Variants in ABHD1 observed in about 807,000 individuals in gnomAD.
ABHD1 encodes the protein protein ABHD1.
Under a neutral mutation model 41.4 loss-of-function variants are expected in ABHD1, and 47 were observed. The ratio of observed to expected loss-of-function variants is 1.13; its 90% CI spans 0.90 to 1.45. The LOEUF is 1.45. ABHD1 is among the 40% of genes most tolerant of loss of function. The pLI is 0.00. For missense variants in ABHD1, 550 were observed against 503.4 expected (o/e 1.09, Z -0.89); for synonymous variants, 205 against 203.7 (o/e 1.01, Z -0.05).
At chr2:27,125,358 A>C (rs1558472125) in intron 1 of ABHD1, 1 of 152,186 alleles carries the variant, frequency 6.6e-6, no homozygotes, top group Non-Finnish European at 1.5e-5. Flanking sequence ...ACTGGTTAAA[A>C]TGCAGGAAAA....
chr2:27,128,507 G>A lies in ABHD1; in HGVS notation c.181G>A (p.Glu61Lys), dbSNP rs372589861. Residue 61 changes from glutamate to lysine, a missense_variant, in exon 2 of 9, where the codon GAG (glutamate) becomes AAG (lysine). Transcript: ENST00000316470. ...FLEPHCSITT[E>K]TFYPTLWCFE... ...GGAGCCACACTGTTCCATCACCACC[G>A]AGACTTTCTACCCAACGCTGTGGTG... is the stretch of plus-strand genomic sequence containing the variant. The A allele has an allele frequency of 2.7e-5, 43 of 1,614,090 alleles. No homozygotes were observed. The highest frequency in any genetic ancestry group is 3.3e-4 in the Middle Eastern group (2 of 6,060).
At chr2:27,124,084 T>TGGCCG in intron 1 of ABHD1, 22 bp downstream of exon 1, 1 of 1,606,372 alleles carries the variant, frequency 6.2e-7, no homozygotes, top group South Asian at 1.1e-5. Context: ...TCCACCGCTC[T>TGGCCG]GGCCAGCGGG....
At position 27,130,285 on chromosome 2, in the gene ABHD1, C is replaced by T. The variant is rs755621488; in HGVS notation, c.875C>T (p.Thr292Ile). ...ATCCGCCAGTTTGATGAGCGCTACA[C>T]ATCTGTGGCCTTTGGATATCAAGAC... ...RTIRQFDERY[T>I]SVAFGYQDCV... The change falls in exon 8 of 9, where the codon ACA becomes ATA. Residue 292 changes from threonine to isoleucine, a missense_variant. Transcript: ENST00000316470. The T allele has an allele frequency of 6.2e-6, 10 of 1,614,072 alleles. No individual in the cohort carries two copies. Among genetic ancestry groups the T allele is most frequent in the Admixed American group, 5.0e-5 (3 of 59,998 alleles).
chr2:27,129,391 T>C (rs1228729766), intron 4 of ABHD1, 30 bp downstream of exon 4: 17 of 1,613,746 alleles, frequency 1.1e-5, no homozygotes, highest in South Asian at 3.3e-5. Context: ...ATAGCAGCCC[T>C]TCACCCACTC....
At position 27,129,875 on chromosome 2, in the gene ABHD1, T is replaced by C. The variant is rs1174757729; in HGVS notation, c.739T>C (p.Ser247Pro). The C allele has an allele frequency of 4.3e-6, 7 of 1,613,916 alleles. No individual in the cohort carries two copies. The East Asian group carries it at 6.7e-5, about 15-fold the overall frequency. Residue 247 changes from serine (S) to proline (P), a missense_variant, in exon 6 of 9, where the codon TCA becomes CCA. By Grantham distance (74) the Ser-to-Pro change is moderately conservative (BLOSUM62 -1). Coordinates refer to ENST00000316470, the MANE Select transcript of ABHD1 (RefSeq NM_032604.4). Reference protein sequence around the residue: ...TTRSLETPLNSLLFNQPLTAG... With the variant: ...TTRSLETPLNPLLFNQPLTAG... ...TCGCTCCCTGGAAACCCCACTCAAC[T>C]CACTGCTCTTCAATCAGCCCCTCAC... is the stretch of plus-strand genomic sequence containing the variant.
At position 27,130,242 on chromosome 2, in the gene ABHD1, G is replaced by A. The variant is rs749043951; in HGVS notation, c.841-9G>A. ...ATCATCTTAGCCTATCCTATGGTAA[G>A]ACCTGCAGGCCCGTACAATCCGCCA... On this transcript the variant is annotated splice_polypyrimidine_tract_variant and intron_variant, in intron 7 of 8. Coordinates refer to ENST00000316470, the MANE Select transcript of ABHD1 (RefSeq NM_032604.4). The A allele has an allele frequency of 7.4e-6, 12 of 1,614,068 alleles. No individual in the cohort carries two copies. The highest frequency in any genetic ancestry group is 9.3e-6 in the Non-Finnish European group (11 of 1,180,034).
chr2:27,128,757 C>T (rs909444081), intron 2 of ABHD1, among the ~76,000 whole-genome samples, 156 bp downstream of exon 2: 10 of 152,186 alleles, frequency 6.6e-5, no homozygotes, highest in African/African-American at 2.2e-4. Flanking sequence ...TATAATTGCA[C>T]GGCCACCAGG....
intron 1 of ABHD1, among the ~76,000 whole-genome samples, chr2:27,127,655 G>A (rs372343447): frequency 6.7e-6 from 1 of 150,072 alleles, no homozygotes; most frequent in Non-Finnish European, 1.5e-5. Flanking sequence ...TCTGCCTCCC[G>A]GGTTCAAGTG....
chr2:27,126,294 A>G (rs1487991398), intron 1 of ABHD1: 1 of 152,270 alleles, frequency 6.6e-6, no homozygotes, highest in Non-Finnish European at 1.5e-5. Flanking sequence ...TCTGTCAGTC[A>G]TAACTTCTTC....
At position 27,124,299 on chromosome 2, in the gene ABHD1, A is replaced by G. The variant is rs921642669; in HGVS notation, c.114+237A>G. Reference sequence around the variant, plus strand: ...GCTGCTCCCTATAATGTGGACAAGCATTTGGGGAAAGGTGGGGTGGAAGGC... The same window carrying G: ...GCTGCTCCCTATAATGTGGACAAGCGTTTGGGGAAAGGTGGGGTGGAAGGC... On this transcript the variant is annotated intron_variant, in intron 1 of 8. Transcript: ENST00000316470. 8.1e-6 allele frequency: 5 copies of G among 619,680 alleles called. No individual in the cohort carries two copies. In the African/African-American group the frequency reaches 9.1e-5, roughly 11 times the overall value. The allele number at this position is 619,680 out of a possible 1,614,324, so 38.4% of individuals were successfully genotyped here. A position where few individuals can be genotyped will look rare whatever the true frequency, so the allele number is the denominator to read the frequency against.
In ABHD1 at chr2:27,129,135, T is replaced by C. The variant is rs1392661042; in HGVS notation, c.458+8T>C. 1.2e-6 allele frequency: 2 copies of C among 1,611,722 alleles called. No individual in the cohort carries two copies. Among genetic ancestry groups the C allele is most frequent in the Non-Finnish European group, 8.5e-7 (1 of 1,179,002 alleles). On this transcript the variant is annotated splice_region_variant and intron_variant, in intron 3 of 8. Transcript: ENST00000316470. ...TCTGAGGGATGGCTACCAGTAAGGA[T>C]GGGTGCAGCCCCAGAGTGGGGTGGC... is the stretch of plus-strand genomic sequence containing the variant.
At chr2:27,129,269 GA>G (rs1672112267) in intron 3 of ABHD1, 46 bp from the exon 4 acceptor site, 2 of 1,612,010 alleles carry the variant, frequency 1.2e-6, no homozygotes, top group Non-Finnish European at 1.7e-6. Context: ...TGAAAGGGGA[GA>G]GGGGCTAAGA....
chr2:27,130,585 A>G lies in ABHD1; in HGVS notation c.1059A>G (p.Thr353=). 1.2e-6 allele frequency: 2 copies of G among 1,614,210 alleles called. No homozygotes were observed. Among genetic ancestry groups the G allele is most frequent in the Non-Finnish European group, 1.7e-6 (2 of 1,180,050 alleles). Reference sequence around the variant, plus strand: ...CCCCCTACGTTGCGCTGCTCATCACAGCCCGGGGTGGCCACATCGGCTTCC... The same window carrying G: ...CCCCCTACGTTGCGCTGCTCATCACGGCCCGGGGTGGCCACATCGGCTTCC... ...QHSPYVALLI[T]ARGGHIGFLE... The change falls in exon 9 of 9, where the codon ACA becomes ACG. Residue 353 remains threonine, a synonymous_variant. Coordinates refer to ENST00000316470, the MANE Select transcript of ABHD1 (RefSeq NM_032604.4).
intron 1 of ABHD1, chr2:27,124,715 T>C (rs902974715): frequency 6.6e-5 from 12 of 180,904 alleles, no homozygotes; most frequent in Non-Finnish European, 1.3e-4. Context: ...TTAAACTCTG[T>C]TCTAGGTAGC....
chr2:27,129,687 C>A, intron 5 of ABHD1, 61 bp downstream of exon 5: 1 of 1,609,608 alleles, frequency 6.2e-7, no homozygotes, highest in Non-Finnish European at 8.5e-7. Context: ...CCTCCATGTC[C>A]CCTTCCTCTG....
intron 4 of ABHD1, 74 bp from the exon 5 acceptor site, chr2:27,129,440 T>A: frequency 6.2e-7 from 1 of 1,611,540 alleles, no homozygotes. Context: ...ACCTCCTACC[T>A]ATCCTTCCTC....
rs1286223167 is a variant in ABHD1, at chr2:27,130,693, G to A, written c.1167G>A (p.Glu389=). 6 of 1,614,124 alleles carry A rather than the reference G, an allele frequency of 3.7e-6. No individual in the cohort carries two copies. Among genetic ancestry groups the A allele is most frequent in the Middle Eastern group, 1.6e-4 (1 of 6,084 alleles). ...QYAKAIFQDP[E]GLPDLRALLP... ...CCAAAGCCATCTTCCAGGACCCAGA[G>A]GGGCTGCCTGACCTCAGGGCTCTCT... is the stretch of plus-strand genomic sequence containing the variant. Residue 389 remains glutamate, a synonymous_variant, in exon 9 of 9, where the codon GAG becomes GAA. Coordinates refer to ENST00000316470, the MANE Select transcript of ABHD1 (RefSeq NM_032604.4).
rs755898301 is a variant in ABHD1, at chr2:27,124,252, G to C, written c.114+190G>C. 5.8e-6 allele frequency: 4 copies of C among 693,394 alleles called. No individual in the cohort carries two copies. In the East Asian group the frequency reaches 1.1e-4, roughly 19 times the overall value. 43.0% of individuals were successfully genotyped at this position (693,394 alleles called of 1,614,324 possible). ...TCCCATGTGATCCCCATGCCAGCTG[G>C]GCCTTTTGGGTACCGGAGGGTGCTG... is the stretch of plus-strand genomic sequence containing the variant. On this transcript the variant is annotated intron_variant, in intron 1 of 8. Coordinates refer to ENST00000316470, the MANE Select transcript of ABHD1 (RefSeq NM_032604.4).
chr2:27,128,237 A>G (rs576845832), intron 1 of ABHD1, among the ~76,000 whole-genome samples: 1 of 152,224 alleles, frequency 6.6e-6, no homozygotes, highest in East Asian at 1.9e-4. Context: ...ACACTCCAGG[A>G]CTGGGTTTTT....
Sources: allele counts gnomAD v4.1 joint callset (sites outside exome capture counted in the v4.1 genomes callset), GRCh38; gene constraint gnomAD v4.1.1; transcripts MANE v1.5; gene names NCBI Gene and HGNC (gene_info 2026-07-23, HGNC 2026-07-21).